SH3PXD2A: variants seen among roughly 807,000 people sequenced by gnomAD.
SH3PXD2A encodes the protein SH3 and PX domain-containing protein 2A.
A neutral mutation model predicts 115.2 loss-of-function variants in SH3PXD2A; 32 were observed. That is an observed-to-expected ratio of 0.28 (90% CI 0.21 to 0.37). The LOEUF is 0.37. Ranked by LOEUF, SH3PXD2A falls within the 10% of genes least tolerant of loss-of-function variation. The pLI, the probability that SH3PXD2A is intolerant of heterozygous loss-of-function variation, is 1.00. For missense variants in SH3PXD2A, 1,328 were observed against 1,498.7 expected (o/e 0.89, Z 1.88); for synonymous variants, 610 against 629.1 (o/e 0.97, Z 0.45).
At chr10:103,702,596 C>CGTGTGTGTGTGTGCGTGTGTGTGT (rs1554913270) in intron 5 of SH3PXD2A, among the ~76,000 whole-genome samples, 24 of 147,562 alleles carry the variant, frequency 1.6e-4, no homozygotes, top group Non-Finnish European at 3.0e-4. Flanking sequence ...TGTGTGTGTG[C>CGTGTGTGTGTGTGCGTGTGTGTGT]GTGTGTGTGT....
intron 5 of SH3PXD2A, among the ~76,000 whole-genome samples, chr10:103,702,146 TCATCCATTCAC>T (rs1458300049): frequency 7.2e-6 from 1 of 139,254 alleles, no homozygotes; most frequent in Non-Finnish European, 1.6e-5. Context: ...CATTCACCCA[TCATCCATTCAC>T]CATCCATCCA....
intron 4 of SH3PXD2A, among the ~76,000 whole-genome samples, chr10:103,731,165 G>GTT (rs151223661): frequency 1.4e-5 from 2 of 141,986 alleles, no homozygotes. Context: ...TCCCGTTTTT[G>GTT]TTTTTTTTTT....
chr10:103,675,600 A>G (rs1298586590), intron 6 of SH3PXD2A, among the ~76,000 whole-genome samples: 1 of 152,198 alleles, frequency 6.6e-6, no homozygotes, highest in Non-Finnish European at 1.5e-5. Flanking sequence ...CACAGCAAAT[A>G]AGTCGTAGGG....
At chr10:103,836,161 C>T (rs139660760) in intron 1 of SH3PXD2A, among the ~76,000 whole-genome samples, 66 of 152,248 alleles carry the variant, frequency 4.3e-4, no homozygotes, top group African/African-American at 1.4e-3. Flanking sequence ...AGGAAAAGAT[C>T]AAAGGTGGTT....
chr10:103,661,262 A>C, intron 7 of SH3PXD2A, 148 bp from the exon 8 acceptor site: 55 of 962,270 alleles, frequency 5.7e-5, no homozygotes, highest in Middle Eastern at 3.3e-4. Context: ...CTCGCAGCTC[A>C]CAGGGCGCCA....
intron 2 of SH3PXD2A, among the ~76,000 whole-genome samples, chr10:103,794,011 C>T (rs1299691976): frequency 6.6e-6 from 1 of 152,190 alleles, no homozygotes; most frequent in Admixed American, 6.5e-5. Context: ...ACTCCTCTAA[C>T]TCTAAAAATG....
At chr10:103,735,615 C>T (rs1330230796) in intron 4 of SH3PXD2A, 117 bp downstream of exon 4, 1 of 813,700 alleles carries the variant, frequency 1.2e-6, no homozygotes, top group Non-Finnish European at 2.1e-6. Flanking sequence ...AAACACCAGG[C>T]CTCAGGACGG....
chr10:103,601,818 A>G lies in SH3PXD2A; in HGVS notation c.3400T>C (p.Ter1134GlnextTer21). 1 of 1,592,398 alleles carries G rather than the reference A, an allele frequency of 6.3e-7. No individual in the cohort carries two copies. Among genetic ancestry groups the G allele is most frequent in the Non-Finnish European group, 8.6e-7 (1 of 1,169,166 alleles). The change falls in exon 15 of 15, where the codon TAG (stop) becomes CAG (glutamine). Residue 1134 changes from the stop codon to glutamine (Q), a stop_lost. Coordinates refer to ENST00000369774, the MANE Select transcript of SH3PXD2A (RefSeq NM_001394015.1). ...VPSNYLEKKN[*>Q] is the part of the protein sequence containing the mutation. Reference sequence around the variant, plus strand: ...GCTGGAAGAGCCCAGGCCCTCTGCTAGTTCTTTTTCTCAAGGTAGTTGGAA... The same window carrying G: ...GCTGGAAGAGCCCAGGCCCTCTGCTGGTTCTTTTTCTCAAGGTAGTTGGAA...
chr10:103,788,365 C>A (rs1257899118), intron 2 of SH3PXD2A, among the ~76,000 whole-genome samples: 2 of 152,196 alleles, frequency 1.3e-5, no homozygotes, highest in Non-Finnish European at 2.9e-5. Context: ...ACAGCCTGAA[C>A]CTTCCATCTC....
intron 8 of SH3PXD2A, among the ~76,000 whole-genome samples, chr10:103,629,913 C>T (rs1198272565): frequency 6.6e-6 from 1 of 152,242 alleles, no homozygotes; most frequent in East Asian, 1.9e-4. Flanking sequence ...ATGCAGGGAG[C>T]ATTTCAGCTG....
At chr10:103,661,394 G>A (rs1025381573) in intron 7 of SH3PXD2A, among the ~76,000 whole-genome samples, 1 of 152,370 alleles carries the variant, frequency 6.6e-6, no homozygotes, top group South Asian at 2.1e-4. Context: ...GAGGCAGAGC[G>A]GAGGCGGAGG....
At chr10:103,740,670 G>T (rs1049058686) in intron 3 of SH3PXD2A, among the ~76,000 whole-genome samples, 2 of 152,248 alleles carry the variant, frequency 1.3e-5, no homozygotes, top group Non-Finnish European at 2.9e-5. Flanking sequence ...TCTGGTCTGA[G>T]CAGGCTGATC....
In SH3PXD2A at chr10:103,599,180, A is replaced by T. The variant is rs995484043; in HGVS notation, c.*2636T>A. On this transcript the variant is annotated 3_prime_UTR_variant, in exon 15 of 15. Coordinates refer to ENST00000369774, the MANE Select transcript of SH3PXD2A (RefSeq NM_001394015.1). ...CCTTGGGCCGCAGTAACAGGAAGGG[A>T]TGGGATAGAGACCTCTGAGGTCTCT... 4 of 149,616 alleles carry T rather than the reference A, an allele frequency of 2.7e-5. No homozygotes were observed. Among genetic ancestry groups the T allele is most frequent in the African/African-American group, 9.8e-5 (4 of 40,722 alleles). The allele number at this position is 149,616 out of a possible 1,614,324, so 9.3% of individuals were successfully genotyped here.
chr10:103,735,061 C>G (rs1258741525), intron 4 of SH3PXD2A, among the ~76,000 whole-genome samples: 1 of 152,240 alleles, frequency 6.6e-6, no homozygotes, highest in Admixed American at 6.5e-5. Flanking sequence ...GACTGGCCCT[C>G]CAGAGGCCAT....
At chr10:103,640,738 T>C (rs1273892846) in intron 8 of SH3PXD2A, among the ~76,000 whole-genome samples, 1 of 152,092 alleles carries the variant, frequency 6.6e-6, no homozygotes, top group Non-Finnish European at 1.5e-5. Flanking sequence ...CCCTAAGGAA[T>C]GCTGGGAGAG....
At chr10:103,790,613 G>A (rs1364895183) in intron 2 of SH3PXD2A, among the ~76,000 whole-genome samples, 3 of 152,164 alleles carry the variant, frequency 2.0e-5, no homozygotes, top group Admixed American at 1.3e-4. Flanking sequence ...AGGGAAATGG[G>A]CAAGATCAGA....
Position 103,594,631 on chromosome 10 carries a change from T to G in SH3PXD2A, c.*7185A>C, listed in dbSNP as rs2036108864. The G allele has an allele frequency of 1.3e-5, 2 of 152,242 alleles. No homozygotes were observed. The highest frequency in any genetic ancestry group is 1.3e-4 in the Admixed American group (2 of 15,284). The allele number at this position is 152,242 out of a possible 1,614,324, so 9.4% of individuals were successfully genotyped here. On this transcript the variant is annotated 3_prime_UTR_variant, in exon 15 of 15. Coordinates refer to ENST00000369774, the MANE Select transcript of SH3PXD2A (RefSeq NM_001394015.1). ...GTGGGGAAACCCATTTCCCATCCTGTGTCTTGGATTTAAAGAAAACCTGTT... is the reference window on the plus strand; with the variant it reads ...GTGGGGAAACCCATTTCCCATCCTGGGTCTTGGATTTAAAGAAAACCTGTT...
intron 1 of SH3PXD2A, among the ~76,000 whole-genome samples, chr10:103,836,362 C>T (rs2039539906): frequency 6.6e-6 from 1 of 151,564 alleles, no homozygotes; most frequent in Non-Finnish European, 1.5e-5. Context: ...CACAGCTACA[C>T]ACAGACATGT....
chr10:103,661,193 T>C, intron 7 of SH3PXD2A, 79 bp from the exon 8 acceptor site: 1 of 1,510,808 alleles, frequency 6.6e-7, no homozygotes, highest in South Asian at 1.3e-5. Flanking sequence ...TCCATCGGCC[T>C]CCTCGGGGGT....
Sources: gnomAD v4.1 joint callset for allele counts (sites outside exome capture counted in the v4.1 genomes callset) on GRCh38, gnomAD v4.1.1 for gene constraint, MANE v1.5 for transcripts, NCBI Gene and HGNC (gene_info 2026-07-23, HGNC 2026-07-21) for gene names.